The following CDH23 variants were observed in gnomAD, a reference collection of about 807,000 sequenced individuals.
The protein encoded by CDH23 is cadherin-23.
In CDH23, 189 loss-of-function variants were observed where a neutral mutation model predicts 317.1. The ratio of observed to expected loss-of-function variants is 0.60; its 90% CI spans 0.53 to 0.67. The LOEUF is 0.67. CDH23 is among the 30% of genes least tolerant of loss of function. The pLI, the probability that CDH23 is intolerant of heterozygous loss-of-function variation, is 0.00. For missense variants in CDH23, 4,401 were observed against 4,592.4 expected, an observed-to-expected ratio of 0.96 and a Z score of 1.20; for synonymous variants, 1,839 against 1,876.8, an observed-to-expected ratio of 0.98 and a Z score of 0.52.
intron 57 of CDH23, 76 bp from the exon 58 acceptor site, chr10:71,807,201 C>A (rs1841756737): frequency 6.4e-7 from 1 of 1,564,480 alleles, no homozygotes. Flanking sequence ...AAGTCACTGC[C>A]CAGGGCCCTG....
At chr10:71,432,285 AGAGTGTGTGTGT>A (rs1427910019) in intron 1 of CDH23, among the ~76,000 whole-genome samples, 2 of 53,158 alleles carry the variant, frequency 3.8e-5, no homozygotes, top group Non-Finnish European at 6.8e-5. Flanking sequence ...AGTGTGTTTG[AGAGTGTGTGTGT>A]GAGTGTGTGA....
chr10:71,647,412 G>A (rs186749431), intron 14 of CDH23, among the ~76,000 whole-genome samples: 209 of 152,102 alleles, frequency 1.4e-3, no homozygotes, highest in African/African-American at 4.8e-3. Context: ...GCAGTGAGCC[G>A]AGATTGTGTC....
chr10:71,639,953 T>C (rs1248369171), intron 11 of CDH23, among the ~76,000 whole-genome samples: 1 of 152,174 alleles, frequency 6.6e-6, no homozygotes, highest in Non-Finnish European at 1.5e-5. Flanking sequence ...TTAGAGGACT[T>C]GGTCAGTAGG....
At position 71,699,242 on chromosome 10, in the gene CDH23, T is replaced by C. The variant is rs115909289; in HGVS notation, c.2398-2780T>C. ...ATACAGCTGGTGAATATCTTACCTT[T>C]CCTTTCCCCTACCCCCTAGCTCAGC... On this transcript the variant is annotated intron_variant, in intron 22 of 69. Transcript: ENST00000224721. 9.0e-3 allele frequency among the ~76,000 whole-genome samples: 1,368 copies of C among 152,364 alleles called. 24 individuals are homozygous for C. Among genetic ancestry groups the C allele is most frequent in the African/African-American group, 0.031 (1,298 of 41,588 alleles).
chr10:71,609,849 C>T (rs1395609532), intron 9 of CDH23, among the ~76,000 whole-genome samples: 1 of 152,206 alleles, frequency 6.6e-6, no homozygotes, highest in Non-Finnish European at 1.5e-5. Flanking sequence ...GCCACCTCCC[C>T]AGCTACCTGG....
intron 1 of CDH23, among the ~76,000 whole-genome samples, chr10:71,436,135 T>A (rs1208357216): frequency 6.6e-6 from 1 of 152,038 alleles, no homozygotes. Context: ...GGAGGCAGAG[T>A]CAGGTTGGAG....
rs1468887418 is a variant in CDH23 at position 71,777,668 on chromosome 10, T to A, written c.4846-12T>A. 4.4e-6 allele frequency: 7 copies of A among 1,602,674 alleles called. No individual in the cohort carries two copies. The highest frequency in any genetic ancestry group is 6.0e-6 in the Non-Finnish European group (7 of 1,175,050). On this transcript the variant is annotated splice_polypyrimidine_tract_variant and intron_variant, in intron 38 of 69. Transcript: ENST00000224721. ...CCACCTGACCAAGGACGTGACCCAC[T>A]CTTTTCCACAGGCCACCACGCACGT...
chr10:71,547,062 G>T (rs929105108), intron 6 of CDH23, among the ~76,000 whole-genome samples: 1 of 152,216 alleles, frequency 6.6e-6, no homozygotes, highest in Non-Finnish European at 1.5e-5. Context: ...CCGGGCCCTG[G>T]GGACACAGTG....
rs779403811 is a variant in CDH23 at position 71,690,558 on chromosome 10, C to T, written c.2150C>T (p.Thr717Ile). Residue 717 changes from threonine to isoleucine, a missense_variant, in exon 20 of 70, where the codon ACC becomes ATC. Thr to Ile is a moderately conservative substitution (Grantham distance 89). This residue lies in a region of CDH23 where 3,068 missense variants were observed against 3,203.3 expected (regional missense o/e 0.96). Coordinates refer to ENST00000224721, the MANE Select transcript of CDH23 (RefSeq NM_022124.6). ...ATCATCTACTCCTTGGAAGGCTCCA[C>T]CCAGTTTCGGATCAATGCCCGCTCA... ...ESIIYSLEGS[T>I]QFRINARSGE... 6.2e-7 allele frequency: 1 copy of T among 1,606,778 alleles called. No homozygotes were observed. Among genetic ancestry groups the T allele is most frequent in the South Asian group, 1.1e-5 (1 of 89,006 alleles).
intron 57 of CDH23, 76 bp downstream of exon 57, chr10:71,806,357 T>C: frequency 1.0e-6 from 1 of 981,534 alleles, no homozygotes; most frequent in Non-Finnish European, 1.6e-6. Flanking sequence ...CTCTCCTATA[T>C]ACACTGTGCC....
chr10:71,548,075 TG>T (rs1856383202), intron 6 of CDH23, among the ~76,000 whole-genome samples: 1 of 152,212 alleles, frequency 6.6e-6, no homozygotes, highest in South Asian at 2.1e-4. Flanking sequence ...GGAATAGATT[TG>T]GGCTCAGCAG....
intron 3 of CDH23, among the ~76,000 whole-genome samples, chr10:71,463,433 C>T (rs1293413301): frequency 6.6e-6 from 1 of 152,210 alleles, no homozygotes; most frequent in African/African-American, 2.4e-5. Context: ...CAGTCCTCTG[C>T]CCATTAAAAG....
chr10:71,664,818 C>G (rs369861474), intron 14 of CDH23, among the ~76,000 whole-genome samples: 1 of 151,746 alleles, frequency 6.6e-6, no homozygotes, highest in African/African-American at 2.4e-5. Context: ...TCCCCCTTCC[C>G]CCTCCTCCCT....
intron 6 of CDH23, among the ~76,000 whole-genome samples, chr10:71,514,290 C>G (rs536605697): frequency 6.6e-6 from 1 of 152,170 alleles, no homozygotes; most frequent in African/African-American, 2.4e-5. Flanking sequence ...AGAGCCAGCC[C>G]AGGAAGCTGC....
At chr10:71,677,810 G>T (rs1458896057) in intron 16 of CDH23, 117 bp downstream of exon 16, 3 of 806,258 alleles carry the variant, frequency 3.7e-6, no homozygotes, top group East Asian at 5.3e-5. Context: ...CTTTCACCCA[G>T]GCTGGAGTGC....
At chr10:71,617,539 G>GA (rs927513738) in intron 11 of CDH23, 146 bp downstream of exon 11, 1,167 of 1,425,506 alleles carry the variant, frequency 8.2e-4, no homozygotes, top group Non-Finnish European at 9.3e-4. Flanking sequence ...AAATAAGGCT[G>GA]AAAAAAAAAT....
intron 6 of CDH23, among the ~76,000 whole-genome samples, chr10:71,524,562 A>T (rs913847463): frequency 6.6e-6 from 1 of 152,164 alleles, no homozygotes; most frequent in Non-Finnish European, 1.5e-5. Flanking sequence ...AAGCAGAGTA[A>T]TGCCCCCTTG....
chr10:71,704,631 G>T (rs1178903921), intron 24 of CDH23, among the ~76,000 whole-genome samples: 1 of 152,116 alleles, frequency 6.6e-6, no homozygotes, highest in Non-Finnish European at 1.5e-5. Context: ...GGGAGAAAGC[G>T]CTGTAGAGAC....
chr10:71,623,681 A>G lies in CDH23; in HGVS notation c.1134+6288A>G, dbSNP rs548227870. Among the ~76,000 whole-genome samples, 138 of 152,262 alleles carry G rather than the reference A, an allele frequency of 9.1e-4. 3 individuals are homozygous for G. The Middle Eastern group carries it at 0.014, about 15-fold the overall frequency. ...TGTCTGACGGTTTAGCAGTTTAGCC[A>G]TTTTCCTCTTAAGGTGTTTTCAGAA... On this transcript the variant is annotated intron_variant, in intron 11 of 69. Coordinates refer to ENST00000224721, the MANE Select transcript of CDH23 (RefSeq NM_022124.6).
Sources: gnomAD v4.1 joint callset for allele counts (sites outside exome capture counted in the v4.1 genomes callset) on GRCh38, gnomAD v4.1.1 for gene constraint, gnomAD v4.1.1 regional missense constraint, MANE v1.5 for transcripts, NCBI Gene and HGNC (gene_info 2026-07-23, HGNC 2026-07-21) for gene names.